The following PRDM2 variants were observed in gnomAD, a reference collection of about 807,000 sequenced individuals.
PRDM2 encodes the protein PR domain zinc finger protein 2.
Under a neutral mutation model 130.0 loss-of-function variants are expected in PRDM2, and 30 were observed. That is an observed-to-expected ratio of 0.23 (90% CI 0.17 to 0.31). PRDM2 has a LOEUF of 0.31. Ranked by LOEUF, PRDM2 falls within the 10% of genes least tolerant of loss-of-function variation. The pLI is 1.00. For synonymous variants in PRDM2, 871 were observed against 782.4 expected, an observed-to-expected ratio of 1.11 and a Z score of -1.89; for missense variants, 2,011 against 2,108.4, an observed-to-expected ratio of 0.95 and a Z score of 0.90.
chr1:13,739,096 G>C (rs1232569885), intron 4 of PRDM2, among the ~76,000 whole-genome samples: 1 of 151,188 alleles, frequency 6.6e-6, no homozygotes, highest in Non-Finnish European at 1.5e-5. Flanking sequence ...GCCCAGGCTG[G>C]AGTGCAGTGA....
At position 13,787,051 on chromosome 1, in the gene PRDM2, C is replaced by CT. The variant is rs932236608; in HGVS notation, c.5036+4228dup. On this transcript the variant is annotated intron_variant, in intron 8 of 9. Transcript: ENST00000311066. ...AGCTGATCTCTTACCCCTGGTATTT[C>CT]TTTTTTTTGTTGTTTTCGTTTTTTT... 24 of 985,056 alleles carry CT rather than the reference C, an allele frequency of 2.4e-5. No individual in the cohort carries two copies. In the South Asian group the frequency reaches 2.8e-4, roughly 12 times the overall value. The allele number at this position is 985,056 out of a possible 1,614,324, so 61.0% of individuals were successfully genotyped here.
Position 13,779,752 on chromosome 1 carries a change from G to C in PRDM2, c.1957G>C (p.Glu653Gln). Residue 653 changes from glutamate to glutamine, a missense_variant, in exon 8 of 10, where the codon GAA becomes CAA. Physicochemically the swap from Glu to Gln is conservative, Grantham distance 29. Coordinates refer to ENST00000311066, the MANE Select transcript of PRDM2 (RefSeq NM_001393986.1). The surrounding 1 kb of genome is among the most constrained non-coding windows in gnomAD (Gnocchi z 4.9). ...SPPALPKIKA[E>Q]TDSDPMVPSC... ...ACCTGCACTGCCCAAAATTAAGGCCGAAACAGACTCTGACCCCATGGTCCC... is the reference window on the plus strand; with the variant it reads ...ACCTGCACTGCCCAAAATTAAGGCCCAAACAGACTCTGACCCCATGGTCCC... The C allele has an allele frequency of 6.2e-7, 1 of 1,614,112 alleles. No homozygotes were observed. The highest frequency in any genetic ancestry group is 8.5e-7 in the Non-Finnish European group (1 of 1,180,002).
At chr1:13,721,817 C>G (rs895673371) in intron 2 of PRDM2, among the ~76,000 whole-genome samples, 1 of 152,202 alleles carries the variant, frequency 6.6e-6, no homozygotes, top group Admixed American at 6.5e-5. Context: ...TGCCCTCTAA[C>G]TCACTCTCCT....
chr1:13,721,299 C>T (rs1476630365), intron 2 of PRDM2, among the ~76,000 whole-genome samples: 1 of 152,134 alleles, frequency 6.6e-6, no homozygotes, highest in Non-Finnish European at 1.5e-5. Flanking sequence ...GGATGGCTTT[C>T]TATCTTTCAT....
chr1:13,783,000 GA>G, intron 8 of PRDM2, 169 bp downstream of exon 8: 1 of 1,429,248 alleles, frequency 7.0e-7, no homozygotes, highest in South Asian at 1.3e-5. Flanking sequence ...TGCTTTTAGA[GA>G]TGAATAAATA....
At chr1:13,766,997 A>G (rs1432851721) in intron 6 of PRDM2, among the ~76,000 whole-genome samples, 3 of 152,200 alleles carry the variant, frequency 2.0e-5, no homozygotes, top group Non-Finnish European at 4.4e-5. Context: ...GTCCAGACCT[A>G]GGTTAAATTT....
intron 8 of PRDM2, among the ~76,000 whole-genome samples, chr1:13,811,334 G>T (rs1645169485): frequency 6.6e-6 from 1 of 152,184 alleles, no homozygotes; most frequent in Non-Finnish European, 1.5e-5. Flanking sequence ...CTTGCACAGT[G>T]ACCATGCCAT....
intron 6 of PRDM2, among the ~76,000 whole-genome samples, chr1:13,763,896 G>A (rs796797200): frequency 1.3e-5 from 2 of 152,036 alleles, no homozygotes; most frequent in African/African-American, 2.4e-5. Context: ...TGGATATATC[G>A]TAGCCTGATT....
chr1:13,809,497 G>T (rs1645137684), intron 8 of PRDM2, among the ~76,000 whole-genome samples: 1 of 152,240 alleles, frequency 6.6e-6, no homozygotes, highest in African/African-American at 2.4e-5. Flanking sequence ...TGTTCACCAA[G>T]AACAGGAGCA....
Position 13,816,575 on chromosome 1 carries a change from G to T in PRDM2, c.*23+5G>T. The stretch of plus-strand genomic sequence containing the variant: ...ACTCTGGCTGCTCCCTGACAGGTAC[G>T]AGGCAGGATGGAACAGCTTCTGGCA... On this transcript the variant is annotated splice_donor_5th_base_variant and intron_variant, in intron 9 of 9. Coordinates refer to ENST00000311066, the MANE Select transcript of PRDM2 (RefSeq NM_001393986.1). 6.2e-7 allele frequency: 1 copy of T among 1,613,906 alleles called. No individual in the cohort carries two copies. Among genetic ancestry groups the T allele is most frequent in the Non-Finnish European group, 8.5e-7 (1 of 1,179,906 alleles).
chr1:13,800,096 C>T (rs931344767), intron 8 of PRDM2, among the ~76,000 whole-genome samples: 2 of 152,174 alleles, frequency 1.3e-5, no homozygotes, highest in Admixed American at 6.5e-5. Flanking sequence ...TTCATAAATG[C>T]GGGGCCTACG....
At chr1:13,810,065 A>G (rs1381425028) in intron 8 of PRDM2, among the ~76,000 whole-genome samples, 1 of 152,146 alleles carries the variant, frequency 6.6e-6, no homozygotes, top group African/African-American at 2.4e-5. Flanking sequence ...AAACCCAGTC[A>G]CTTCCTGAAG....
At chr1:13,732,454 AGTT>A (rs543176713) in intron 3 of PRDM2, among the ~76,000 whole-genome samples, 74 of 152,302 alleles carry the variant, frequency 4.9e-4, no homozygotes, top group African/African-American at 1.6e-3. Flanking sequence ...TTTTCTCTTC[AGTT>A]GTTGTGACTG....
At position 13,749,424 on chromosome 1, in the gene PRDM2, G is replaced by A. The variant is rs1557617574; in HGVS notation, c.448G>A (p.Ala150Thr). ...YNGEDNPEIA[A>T]AIEEERASAR... ...TGGGGAAGACAACCCTGAGATAGCA[G>A]CTGCGATTGAGGAAGAGCGAGCCAG... Residue 150 changes from alanine to threonine, a missense_variant, in exon 6 of 10, where the codon GCT becomes ACT. This residue lies in a region of PRDM2 where 1,288 missense variants were observed against 1,237.7 expected (regional missense o/e 1.04). Transcript: ENST00000311066. 1 of 1,513,000 alleles carries A rather than the reference G, an allele frequency of 6.6e-7. No individual in the cohort carries two copies. Among genetic ancestry groups the A allele is most frequent in the Non-Finnish European group, 8.9e-7 (1 of 1,118,464 alleles). The allele number at this position is 1,513,000 out of a possible 1,614,324, so 93.7% of individuals were successfully genotyped here.
chr1:13,710,516 T>C (rs1442217412), intron 1 of PRDM2, among the ~76,000 whole-genome samples: 2 of 152,226 alleles, frequency 1.3e-5, no homozygotes, highest in East Asian at 3.8e-4. Context: ...CATATACTCA[T>C]GTTATTAAAA....
At chr1:13,745,182 G>A (rs1643564739) in intron 5 of PRDM2, among the ~76,000 whole-genome samples, 1 of 152,182 alleles carries the variant, frequency 6.6e-6, no homozygotes, top group Non-Finnish European at 1.5e-5. Flanking sequence ...CAGATAATAA[G>A]TAAATAAGAA....
At chr1:13,735,314 C>T (rs1398135162) in intron 4 of PRDM2, among the ~76,000 whole-genome samples, 4 of 152,180 alleles carry the variant, frequency 2.6e-5, no homozygotes, top group East Asian at 1.9e-4. Context: ...GAGCGTTCTT[C>T]GATGAGTTTC....
At position 13,780,135 on chromosome 1, in the gene PRDM2, C is replaced by G. The variant is rs751926439; in HGVS notation, c.2340C>G (p.Asp780Glu). Reference protein sequence around the residue: ...SKKSKLESHSDSPAWSLSGRD... With the variant: ...SKKSKLESHSESPAWSLSGRD... The stretch of plus-strand genomic sequence containing the variant: ...AATCCAAATTAGAAAGTCACAGCGA[C>G]TCACCAGCATGGAGTTTGTCTGGGA... Residue 780 changes from aspartate to glutamate, a missense_variant, in exon 8 of 10, where the codon GAC (aspartate) becomes GAG (glutamate). By Grantham distance (45) the Asp-to-Glu change is conservative. Coordinates refer to ENST00000311066, the MANE Select transcript of PRDM2 (RefSeq NM_001393986.1). The G allele has an allele frequency of 1.2e-6, 2 of 1,610,466 alleles. No individual in the cohort carries two copies. Among genetic ancestry groups the G allele is most frequent in the South Asian group, 1.1e-5 (1 of 90,746 alleles).
At chr1:13,765,069 C>G (rs1400915588) in intron 6 of PRDM2, among the ~76,000 whole-genome samples, 1 of 152,210 alleles carries the variant, frequency 6.6e-6, no homozygotes, top group Non-Finnish European at 1.5e-5. Context: ...CTTGCTTTGC[C>G]ACTGATCGCG....
Sources: allele counts gnomAD v4.1 joint callset (sites outside exome capture counted in the v4.1 genomes callset), GRCh38; gene constraint gnomAD v4.1.1; regional missense constraint gnomAD v4.1.1; non-coding constraint Gnocchi (gnomAD v3.1); transcripts MANE v1.5; gene names NCBI Gene and HGNC (gene_info 2026-07-23, HGNC 2026-07-21).